NLGN1: variants seen among roughly 807,000 people sequenced by gnomAD.
The protein encoded by NLGN1 is neuroligin-1.
Under a neutral mutation model 65.5 loss-of-function variants are expected in NLGN1, and 12 were observed. That is an observed-to-expected ratio of 0.18 (90% CI 0.12 to 0.30). The LOEUF is 0.30. NLGN1 is among the 10% of genes least tolerant of loss of function. The pLI is 1.00. For missense variants in NLGN1, 750 were observed against 1,007.1 expected (o/e 0.74, Z 3.46); for synonymous variants, 350 against 359.5 (o/e 0.97, Z 0.30).
chr3:174,085,319 T>C (rs979901733), intron 4 of NLGN1, among the ~76,000 whole-genome samples: 4 of 152,062 alleles, frequency 2.6e-5, no homozygotes, highest in Non-Finnish European at 4.4e-5. Context: ...TTATTAGGCT[T>C]TCAATTGCAT....
At chr3:173,758,408 G>T (rs1365778227) in intron 3 of NLGN1, among the ~76,000 whole-genome samples, 1 of 151,970 alleles carries the variant, frequency 6.6e-6, no homozygotes, top group Non-Finnish European at 1.5e-5. Flanking sequence ...AAATTTTCTT[G>T]AAAATTTCTG....
intron 4 of NLGN1, among the ~76,000 whole-genome samples, chr3:173,903,825 G>A (rs1737834952): frequency 6.6e-6 from 1 of 152,132 alleles, no homozygotes; most frequent in South Asian, 2.1e-4. Flanking sequence ...TTGAAATACT[G>A]TCATATATTT....
chr3:173,991,912 T>C (rs1721206097), intron 4 of NLGN1, among the ~76,000 whole-genome samples: 1 of 152,008 alleles, frequency 6.6e-6, no homozygotes, highest in Admixed American at 6.6e-5. Context: ...TCCTGTGTTC[T>C]AGCGATTCTC....
At chr3:173,473,605 A>G (rs1430757045) in intron 2 of NLGN1, among the ~76,000 whole-genome samples, 1 of 152,164 alleles carries the variant, frequency 6.6e-6, no homozygotes, top group African/African-American at 2.4e-5. Flanking sequence ...AGCATGATCT[A>G]TTTCAGAAAA....
At chr3:174,183,784 G>T (rs1006211617) in intron 4 of NLGN1, among the ~76,000 whole-genome samples, 1 of 152,174 alleles carries the variant, frequency 6.6e-6, no homozygotes, top group Non-Finnish European at 1.5e-5. Flanking sequence ...AGACAGGAAA[G>T]TGTGTTAATA....
intron 4 of NLGN1, among the ~76,000 whole-genome samples, chr3:173,942,122 GTGTGTGTGTGTGTGTGTGTA>G (rs1435674267): frequency 2.1e-5 from 3 of 143,382 alleles, no homozygotes; most frequent in Non-Finnish European, 4.7e-5. Flanking sequence ...GTGTGTGTGT[GTGTGTGTGTGTGTGTGTGTA>G]TGTGTGTGTG....
chr3:173,852,571 A>G (rs1048760773), intron 4 of NLGN1, among the ~76,000 whole-genome samples: 2 of 152,076 alleles, frequency 1.3e-5, no homozygotes, highest in Non-Finnish European at 1.5e-5. Flanking sequence ...GTCATGGCAT[A>G]CTATTCATTA....
intron 4 of NLGN1, among the ~76,000 whole-genome samples, chr3:174,269,175 T>TA (rs1047765514): frequency 6.6e-6 from 1 of 151,648 alleles, no homozygotes; most frequent in East Asian, 1.9e-4. Context: ...ATTATTATAG[T>TA]AAAAAAATTT....
At chr3:174,218,416 C>A (rs1738042084) in intron 4 of NLGN1, among the ~76,000 whole-genome samples, 1 of 151,982 alleles carries the variant, frequency 6.6e-6, no homozygotes, top group Non-Finnish European at 1.5e-5. Flanking sequence ...TACCTTACTT[C>A]ATTCAGTCAT....
At chr3:173,959,785 A>G (rs994591196) in intron 4 of NLGN1, among the ~76,000 whole-genome samples, 2 of 152,176 alleles carry the variant, frequency 1.3e-5, no homozygotes, top group African/African-American at 4.8e-5. Flanking sequence ...AATAATTTTC[A>G]GAATCTTCCA....
chr3:173,747,209 C>A (rs28418734), intron 3 of NLGN1, among the ~76,000 whole-genome samples: 21 of 134,544 alleles, frequency 1.6e-4, no homozygotes, highest in Non-Finnish European at 2.7e-4. Flanking sequence ...ATATATATAT[C>A]TTTAAGTATA....
chr3:173,522,721 C>G (rs1734972858), intron 2 of NLGN1, among the ~76,000 whole-genome samples: 1 of 152,156 alleles, frequency 6.6e-6, no homozygotes. Context: ...GTGTGAGCCA[C>G]CCTGCCTGGC....
intron 2 of NLGN1, among the ~76,000 whole-genome samples, chr3:173,539,990 G>T (rs1738556083): frequency 6.6e-6 from 1 of 150,816 alleles, no homozygotes; most frequent in African/African-American, 2.4e-5. Context: ...CTTTATAATG[G>T]TTTACTGGGT....
intron 4 of NLGN1, among the ~76,000 whole-genome samples, chr3:174,205,326 A>G (rs1735198487): frequency 6.6e-6 from 1 of 152,154 alleles, no homozygotes; most frequent in Admixed American, 6.5e-5. Flanking sequence ...GCAATTTTCA[A>G]AAAGAAAATG....
At chr3:173,708,848 C>A (rs1359050416) in intron 3 of NLGN1, among the ~76,000 whole-genome samples, 1 of 152,124 alleles carries the variant, frequency 6.6e-6, no homozygotes, top group African/African-American at 2.4e-5. Context: ...AAGTTTAATA[C>A]ATTGATTTTC....
chr3:173,827,654 T>TGTGTGTGTGTGTGTGTGTG (rs1326275748), intron 4 of NLGN1, among the ~76,000 whole-genome samples: 5 of 81,904 alleles, frequency 6.1e-5, no homozygotes, highest in African/African-American at 1.9e-4. Flanking sequence ...TGTGTGTGTG[T>TGTGTGTGTGTGTGTGTGTG]GTGTGTGTGT....
chr3:173,846,107 G>A, intron 4 of NLGN1, among the ~76,000 whole-genome samples: 1 of 152,118 alleles, frequency 6.6e-6, no homozygotes, highest in Non-Finnish European at 1.5e-5. Flanking sequence ...TCATAAATAG[G>A]AGCTTCACTT....
At chr3:173,513,452 C>T (rs893430228) in intron 2 of NLGN1, among the ~76,000 whole-genome samples, 1 of 152,140 alleles carries the variant, frequency 6.6e-6, no homozygotes, top group Non-Finnish European at 1.5e-5. Flanking sequence ...GATTTCTGCT[C>T]AGGTAAGTTG....
intron 2 of NLGN1, among the ~76,000 whole-genome samples, chr3:173,583,585 C>T (rs765407115): frequency 3.9e-5 from 6 of 152,216 alleles, no homozygotes; most frequent in Non-Finnish European, 5.9e-5. Flanking sequence ...GAGAATTCAA[C>T]TTCTCTAGTT....
Sources: allele counts gnomAD v4.1 joint callset (sites outside exome capture counted in the v4.1 genomes callset), GRCh38; gene constraint gnomAD v4.1.1; transcripts MANE v1.5; gene names NCBI Gene and HGNC (gene_info 2026-07-23, HGNC 2026-07-21).